Variants in CNTN4 observed in about 807,000 individuals in gnomAD.
CNTN4 encodes contactin-4.
A neutral mutation model predicts 122.5 loss-of-function variants in CNTN4; 77 were observed. The ratio of observed to expected loss-of-function variants is 0.63; its 90% CI spans 0.52 to 0.76. The LOEUF is 0.76. Among genes scored for constraint, CNTN4 ranks in the 30% least tolerant of loss-of-function variants. CNTN4 has a pLI of 0.00. For synonymous variants in CNTN4, 512 were observed against 447.0 expected, an observed-to-expected ratio of 1.15 and a Z score of -1.83; for missense variants, 1,256 against 1,259.1, an observed-to-expected ratio of 1.00 and a Z score of 0.04.
chr3:2,585,601 A>T (rs1413609972), intron 4 of CNTN4, among the ~76,000 whole-genome samples: 1 of 149,718 alleles, frequency 6.7e-6, no homozygotes, highest in Non-Finnish European at 1.5e-5. Context: ...AAAAAACCAA[A>T]CACTGCATGT....
At chr3:2,761,714 A>C (rs2090600525) in intron 6 of CNTN4, among the ~76,000 whole-genome samples, 1 of 152,152 alleles carries the variant, frequency 6.6e-6, no homozygotes, top group South Asian at 2.1e-4. Context: ...AGAGGTTTCA[A>C]ACACAGTTGG....
At chr3:2,227,129 T>C (rs1267832340) in intron 2 of CNTN4, among the ~76,000 whole-genome samples, 1 of 152,148 alleles carries the variant, frequency 6.6e-6, no homozygotes, top group Non-Finnish European at 1.5e-5. Context: ...CATTGTGATG[T>C]TTTTTAATTA....
At chr3:2,577,326 C>T (rs1353455683) in intron 4 of CNTN4, among the ~76,000 whole-genome samples, 2 of 152,114 alleles carry the variant, frequency 1.3e-5, no homozygotes, top group Non-Finnish European at 2.9e-5. Flanking sequence ...GGAGAGTTGA[C>T]TGTGTATGTA....
At chr3:2,447,015 A>G (rs772316184) in intron 3 of CNTN4, among the ~76,000 whole-genome samples, 5 of 152,196 alleles carry the variant, frequency 3.3e-5, no homozygotes, top group Non-Finnish European at 7.3e-5. Flanking sequence ...ATGCAACAAA[A>G]GACATGTCAT....
At chr3:2,392,498 T>A (rs1297460746) in intron 3 of CNTN4, among the ~76,000 whole-genome samples, 1 of 152,154 alleles carries the variant, frequency 6.6e-6, no homozygotes, top group Non-Finnish European at 1.5e-5. Context: ...CTCAATTTCT[T>A]TTTTTTCATT....
In CNTN4 at chr3:2,628,923, A is replaced by T. The variant is rs1250201216; in HGVS notation, c.55+57365A>T. Among the ~76,000 whole-genome samples the T allele has an allele frequency of 3.3e-5, 5 of 152,306 alleles. No homozygotes were observed. The East Asian group carries it at 9.6e-4, about 29-fold the overall frequency. ...TAATTTGTCTGAGAAAAGCTTCCCC[A>T]GTTGTGTGGCAAATAGGTTAGGAGG... On this transcript the variant is annotated intron_variant, in intron 4 of 24. Coordinates refer to ENST00000418658, the MANE Select transcript of CNTN4 (RefSeq NM_175607.3).
chr3:2,972,277 T>C (rs1300759095), intron 13 of CNTN4, among the ~76,000 whole-genome samples: 2 of 152,132 alleles, frequency 1.3e-5, no homozygotes, highest in Non-Finnish European at 2.9e-5. Flanking sequence ...AAAATTATTG[T>C]ACTCCTTAAT....
intron 3 of CNTN4, among the ~76,000 whole-genome samples, chr3:2,378,736 CTT>C (rs199694954): frequency 1.4e-5 from 2 of 147,224 alleles, no homozygotes; most frequent in East Asian, 2.0e-4. Context: ...AGCTTAGCTC[CTT>C]TTTTTTTTTG....
chr3:2,103,624 C>G (rs1038796043), intron 2 of CNTN4, among the ~76,000 whole-genome samples: 6 of 152,184 alleles, frequency 3.9e-5, no homozygotes, highest in African/African-American at 9.7e-5. Flanking sequence ...CCTCTCCTAA[C>G]TTTTGATCAA....
At chr3:2,868,681 A>G (rs1042599316) in intron 8 of CNTN4, among the ~76,000 whole-genome samples, 1 of 152,158 alleles carries the variant, frequency 6.6e-6, no homozygotes, top group African/African-American at 2.4e-5. Context: ...TTTATTTAGA[A>G]CTTCCTGTGT....
intron 14 of CNTN4, among the ~76,000 whole-genome samples, chr3:3,004,743 C>A (rs1696444898): frequency 6.6e-6 from 1 of 152,254 alleles, no homozygotes; most frequent in African/African-American, 2.4e-5. Context: ...GTACTGTTCA[C>A]AGCCCACCAA....
chr3:2,787,215 A>G (rs1424932065), intron 6 of CNTN4, among the ~76,000 whole-genome samples: 3 of 152,096 alleles, frequency 2.0e-5, no homozygotes, highest in Non-Finnish European at 2.9e-5. Context: ...TGTCTCTATT[A>G]AAAATACAAA....
chr3:2,811,399 C>T (rs933339432), intron 6 of CNTN4, among the ~76,000 whole-genome samples: 5 of 130,014 alleles, frequency 3.8e-5, no homozygotes, highest in Non-Finnish European at 8.2e-5. Flanking sequence ...TAGAGCAAGA[C>T]TCAGTGTCAA....
intron 4 of CNTN4, among the ~76,000 whole-genome samples, chr3:2,626,605 A>G (rs2082201052): frequency 6.6e-6 from 1 of 152,218 alleles, no homozygotes; most frequent in South Asian, 2.1e-4. Flanking sequence ...ATAATTACCC[A>G]AGAGGAGAGG....
intron 6 of CNTN4, among the ~76,000 whole-genome samples, chr3:2,775,695 A>G (rs1312575671): frequency 6.6e-6 from 1 of 152,188 alleles, no homozygotes; most frequent in Non-Finnish European, 1.5e-5. Flanking sequence ...TGCTGAGATG[A>G]CAGATGTGAG....
At chr3:2,125,921 G>GTGTGTGTGTA (rs1553570977) in intron 2 of CNTN4, among the ~76,000 whole-genome samples, 3 of 150,492 alleles carry the variant, frequency 2.0e-5, no homozygotes, top group Admixed American at 6.6e-5. Context: ...GTGTGTGTGT[G>GTGTGTGTGTA]TGTGTGTATG....
intron 2 of CNTN4, among the ~76,000 whole-genome samples, chr3:2,137,648 G>T (rs949154543): frequency 6.6e-6 from 1 of 152,194 alleles, no homozygotes; most frequent in Non-Finnish European, 1.5e-5. Flanking sequence ...CATTTTGGGA[G>T]CTATGCACAT....
intron 3 of CNTN4, among the ~76,000 whole-genome samples, chr3:2,445,017 A>T (rs1331544280): frequency 1.3e-5 from 2 of 151,294 alleles, no homozygotes; most frequent in Non-Finnish European, 2.9e-5. Context: ...AAAAAAATCT[A>T]TCTCTCTATC....
At chr3:2,946,704 C>CTTTTTTTTTTTTT (rs55883455) in intron 13 of CNTN4, among the ~76,000 whole-genome samples, 3 of 119,388 alleles carry the variant, frequency 2.5e-5, no homozygotes, top group African/African-American at 3.2e-5. Flanking sequence ...TTTTTTTTTT[C>CTTTTTTTTTTTTT]TTTTTTTTTT....
Sources: gnomAD v4.1 joint callset for allele counts (sites outside exome capture counted in the v4.1 genomes callset) on GRCh38, gnomAD v4.1.1 for gene constraint, MANE v1.5 for transcripts, NCBI Gene and HGNC (gene_info 2026-07-23, HGNC 2026-07-21) for gene names.